The following CSNK1G1 variants were observed in gnomAD, a reference collection of about 807,000 sequenced individuals.
CSNK1G1 encodes casein kinase I isoform gamma-1.
CSNK1G1 carries 22 observed loss-of-function variants against 59.6 expected under a neutral mutation model. That is an observed-to-expected ratio of 0.37 (90% CI 0.26 to 0.53). The LOEUF (loss-of-function observed/expected upper bound fraction) is 0.53. Among genes scored for constraint, CSNK1G1 ranks in the 20% least tolerant of loss-of-function variants. The pLI, the probability that CSNK1G1 is intolerant of heterozygous loss-of-function variation, is 0.89. For synonymous variants in CSNK1G1, 179 were observed against 177.1 expected (o/e 1.01, Z -0.08); for missense variants, 384 against 519.5 (o/e 0.74, Z 2.54).
At chr15:64,190,737 G>T (rs2081959697) in intron 10 of CSNK1G1, among the ~76,000 whole-genome samples, 1 of 152,132 alleles carries the variant, frequency 6.6e-6, no homozygotes, top group South Asian at 2.1e-4. Context: ...TACTGACATT[G>T]TCTATATCCT....
Position 64,214,275 on chromosome 15 carries a change from TA to T in CSNK1G1, c.445-152del, listed in dbSNP as rs2082283745. ...CGCCCTGAGTCACTTCACTGACTTG[TA>T]AACAAAAAAATATTTTGCTATAAAT... On this transcript the variant is annotated intron_variant, in intron 5 of 11. Transcript: ENST00000303052. This position sits in a 1 kb window ranked among gnomAD's most constrained non-coding sequence, Gnocchi z 4.3. 4.8e-6 allele frequency: 3 copies of T among 627,104 alleles called. No homozygotes were observed. Among genetic ancestry groups the T allele is most frequent in the Non-Finnish European group, 8.4e-6 (3 of 355,818 alleles). 38.8% of individuals were successfully genotyped at this position (627,104 alleles called of 1,614,324 possible). A position where few individuals can be genotyped will look rare whatever the true frequency, so the allele number is the denominator to read the frequency against.
chr15:64,198,426 G>A lies in CSNK1G1; in HGVS notation c.1107+4656C>T, dbSNP rs138640359. Among the ~76,000 whole-genome samples, 1,317 of 151,634 alleles carry A rather than the reference G, an allele frequency of 8.7e-3. 17 individuals are homozygous for A. Among genetic ancestry groups the A allele is most frequent in the African/African-American group, 0.03 (1,249 of 41,338 alleles). ...TCACCATGTTGGCCAGGCTGGTCTC[G>A]AACTCCTGGCCTCAAGTTATCCACC... On this transcript the variant is annotated intron_variant, in intron 10 of 11. Transcript: ENST00000303052.
chr15:64,223,919 G>A (rs1053336130), intron 4 of CSNK1G1, among the ~76,000 whole-genome samples: 3 of 152,066 alleles, frequency 2.0e-5, no homozygotes, highest in African/African-American at 7.2e-5. Flanking sequence ...CAAGGAAAAT[G>A]GCTTCTTTTA....
intron 1 of CSNK1G1, among the ~76,000 whole-genome samples, chr15:64,317,964 G>T (rs1896362348): frequency 6.6e-6 from 1 of 152,012 alleles, no homozygotes; most frequent in Non-Finnish European, 1.5e-5. Flanking sequence ...GGAAGCTAGG[G>T]GCTTAAGCAA....
At chr15:64,317,982 A>G (rs976387951) in intron 1 of CSNK1G1, among the ~76,000 whole-genome samples, 5 of 152,222 alleles carry the variant, frequency 3.3e-5, no homozygotes. Flanking sequence ...CAACTGCTAC[A>G]TAGCTGGGAA....
At chr15:64,194,718 G>A (rs2082018519) in intron 10 of CSNK1G1, among the ~76,000 whole-genome samples, 1 of 151,918 alleles carries the variant, frequency 6.6e-6, no homozygotes, top group African/African-American at 2.4e-5. Context: ...GTTTCACCAT[G>A]TTGGTCAGGC....
At chr15:64,321,855 A>C (rs1896582268) in intron 1 of CSNK1G1, among the ~76,000 whole-genome samples, 1 of 152,260 alleles carries the variant, frequency 6.6e-6, no homozygotes, top group Non-Finnish European at 1.5e-5. Context: ...AGGGAGTTAC[A>C]GTTATGATTT....
intron 2 of CSNK1G1, among the ~76,000 whole-genome samples, chr15:64,299,412 C>G (rs887462069): frequency 6.6e-6 from 1 of 152,002 alleles, no homozygotes; most frequent in African/African-American, 2.4e-5. Flanking sequence ...CATGGTGAAA[C>G]CCTGTCTCTA....
At chr15:64,300,984 A>G (rs1895299954) in intron 1 of CSNK1G1, among the ~76,000 whole-genome samples, 1 of 152,220 alleles carries the variant, frequency 6.6e-6, no homozygotes, top group South Asian at 2.1e-4. Context: ...CTAGTAATGT[A>G]TCTATGACCA....
chr15:64,298,355 A>G (rs1439326418), intron 2 of CSNK1G1, among the ~76,000 whole-genome samples: 1 of 152,254 alleles, frequency 6.6e-6, no homozygotes, highest in Non-Finnish European at 1.5e-5. Flanking sequence ...ATGGATGTTT[A>G]TGTCATAATT....
chr15:64,204,412 TAAAAA>T (rs75931046), intron 9 of CSNK1G1, 24 bp downstream of exon 9: 531 of 1,395,736 alleles, frequency 3.8e-4, no homozygotes, highest in South Asian at 9.0e-4. Flanking sequence ...GTAATGAGGT[TAAAAA>T]AAAAAAAAAA....
chr15:64,297,517 T>A (rs1266198721), intron 2 of CSNK1G1, among the ~76,000 whole-genome samples: 3 of 151,972 alleles, frequency 2.0e-5, no homozygotes, highest in Non-Finnish European at 2.9e-5. Flanking sequence ...AAGACCAGCC[T>A]GCAAAACATC....
rs938695920 is a variant in CSNK1G1, at chr15:64,332,696, TA to T, written c.-225+23291del. Among the ~76,000 whole-genome samples the T allele has an allele frequency of 3.9e-4, 55 of 141,274 alleles. 1 individual carries two copies. Among genetic ancestry groups the T allele is most frequent in the Middle Eastern group, 7.1e-3 (2 of 280 alleles). 92.7% of individuals were successfully genotyped at this position (141,274 alleles called of 152,430 possible). On this transcript the variant is annotated intron_variant, in intron 1 of 11. Coordinates refer to ENST00000303052, the MANE Select transcript of CSNK1G1 (RefSeq NM_022048.5). ...TAATTAAAAATAAAATAAAATAAAATAAAAAAACCCAAATCACAAAACAATT... is the reference window on the plus strand; with the variant it reads ...TAATTAAAAATAAAATAAAATAAAATAAAAAACCCAAATCACAAAACAATT...
chr15:64,354,190 A>G (rs1898501338), intron 1 of CSNK1G1, among the ~76,000 whole-genome samples: 1 of 152,152 alleles, frequency 6.6e-6, no homozygotes, highest in African/African-American at 2.4e-5. Context: ...CTGTGATCCC[A>G]GCTACTCAGG....
intron 1 of CSNK1G1, among the ~76,000 whole-genome samples, chr15:64,350,685 A>G (rs1452133252): frequency 6.6e-6 from 1 of 152,170 alleles, no homozygotes; most frequent in Non-Finnish European, 1.5e-5. Context: ...TATATAACCT[A>G]AATCTACTGA....
intron 4 of CSNK1G1, among the ~76,000 whole-genome samples, chr15:64,241,062 T>G (rs577745776): frequency 6.6e-6 from 1 of 152,238 alleles, no homozygotes; most frequent in South Asian, 2.1e-4. Flanking sequence ...TTCTCCCACT[T>G]ACAAGATGCA....
intron 10 of CSNK1G1, among the ~76,000 whole-genome samples, chr15:64,191,548 T>G (rs542048036): frequency 1.2e-4 from 18 of 152,360 alleles, no homozygotes; most frequent in African/African-American, 4.3e-4. Context: ...GTTCTTTATA[T>G]TCATTCTAGT....
chr15:64,314,497 T>G (rs1896163816), intron 1 of CSNK1G1, among the ~76,000 whole-genome samples: 1 of 151,904 alleles, frequency 6.6e-6, no homozygotes. Context: ...GTAAGAATAT[T>G]TGAAATTTAT....
chr15:64,203,400 G>GAAAACAA (rs976800162), intron 9 of CSNK1G1, among the ~76,000 whole-genome samples: 2 of 151,788 alleles, frequency 1.3e-5, no homozygotes, highest in Non-Finnish European at 2.9e-5. Context: ...GCTTACCTTC[G>GAAAACAA]AAAACAAAAA....
Sources: allele counts gnomAD v4.1 joint callset (sites outside exome capture counted in the v4.1 genomes callset), GRCh38; gene constraint gnomAD v4.1.1; non-coding constraint Gnocchi (gnomAD v3.1); transcripts MANE v1.5; gene names NCBI Gene and HGNC (gene_info 2026-07-23, HGNC 2026-07-21).